COL9A1: variants seen among roughly 807,000 people sequenced by gnomAD.
COL9A1 encodes the protein collagen type IX alpha 1 chain.
COL9A1 carries 104 observed loss-of-function variants against 142.6 expected under a neutral mutation model. That is an observed-to-expected ratio of 0.73 (90% CI 0.62 to 0.86). COL9A1 has a LOEUF of 0.86. Among genes scored for constraint, COL9A1 ranks in the 40% least tolerant of loss-of-function variants. The probability of loss-of-function intolerance (pLI) is 0.00; values close to 1 mark genes in which losing one functional copy is unlikely to be tolerated. For synonymous variants in COL9A1, 466 were observed against 396.0 expected (o/e 1.18, Z -2.10); for missense variants, 1,210 against 1,176.6 (o/e 1.03, Z -0.42).
chr6:70,281,688 C>T (rs557558347), intron 7 of COL9A1, among the ~76,000 whole-genome samples: 1 of 152,264 alleles, frequency 6.6e-6, no homozygotes, highest in South Asian at 2.1e-4. Context: ...AGGATTGACG[C>T]CCCCAAGGTT....
intron 6 of COL9A1, 101 bp from the exon 7 acceptor site, chr6:70,283,019 C>T (rs1323016031): frequency 1.2e-6 from 2 of 1,611,584 alleles, no homozygotes; most frequent in Non-Finnish European, 1.7e-6. Flanking sequence ...AGCAGCAGCC[C>T]CAGGGCCCCG....
intron 33 of COL9A1, among the ~76,000 whole-genome samples, chr6:70,236,345 C>T (rs1017954597): frequency 1.7e-4 from 26 of 152,020 alleles, no homozygotes; most frequent in Admixed American, 1.3e-3. Context: ...AATTAATTCA[C>T]TTTTTGTTAA....
At chr6:70,284,484 T>G (rs1773363770) in intron 5 of COL9A1, among the ~76,000 whole-genome samples, 1 of 152,176 alleles carries the variant, frequency 6.6e-6, no homozygotes, top group Non-Finnish European at 1.5e-5. Context: ...ATCTTATTCA[T>G]TGGTTGAAAA....
At chr6:70,296,070 T>C (rs1160622399) in intron 4 of COL9A1, among the ~76,000 whole-genome samples, 1 of 152,210 alleles carries the variant, frequency 6.6e-6, no homozygotes, top group African/African-American at 2.4e-5. Flanking sequence ...TTATAAAACT[T>C]TATTATGTCT....
At chr6:70,283,969 T>G (rs1773336224) in intron 5 of COL9A1, 149 bp from the exon 6 acceptor site, 1 of 714,968 alleles carries the variant, frequency 1.4e-6, no homozygotes, top group African/African-American at 1.8e-5. Flanking sequence ...TTGCTTTTCC[T>G]TGAATACAAG....
chr6:70,301,728 C>T (rs1055193267), intron 2 of COL9A1, among the ~76,000 whole-genome samples: 3 of 152,234 alleles, frequency 2.0e-5, no homozygotes, highest in African/African-American at 7.2e-5. Context: ...CCAACATTTA[C>T]CAATCACCAT....
chr6:70,292,414 C>A (rs151031629), intron 5 of COL9A1, among the ~76,000 whole-genome samples: 54 of 152,270 alleles, frequency 3.5e-4, no homozygotes, highest in African/African-American at 1.3e-3. Context: ...GTAAAACCAG[C>A]TGCCAGGTTT....
At chr6:70,276,243 A>C (rs1322712177) in intron 10 of COL9A1, among the ~76,000 whole-genome samples, 1 of 152,102 alleles carries the variant, frequency 6.6e-6, no homozygotes, top group Non-Finnish European at 1.5e-5. Flanking sequence ...TTGGCATTTC[A>C]CAAACAAACT....
Position 70,240,728 on chromosome 6 carries a change from G to A in COL9A1, c.2040C>T (p.Ala680=). 1.2e-6 allele frequency: 2 copies of A among 1,612,156 alleles called. No homozygotes were observed. The highest frequency in any genetic ancestry group is 1.7e-6 in the Non-Finnish European group (2 of 1,178,960). Residue 680 remains alanine (A), a synonymous_variant, in exon 32 of 38, where the codon GCC becomes GCT. Transcript: ENST00000357250. ...GEPGPKGEQG[A]SGEEGEAGER... ...CTCCTGCTTCACCTTCTTCACCAGA[G>A]GCACCCTAAAAATTAAGATAAAAGG...
At chr6:70,280,683 C>G (rs890114581) in intron 10 of COL9A1, 129 bp downstream of exon 10, 5 of 1,368,264 alleles carry the variant, frequency 3.7e-6, no homozygotes, top group Non-Finnish European at 5.0e-6. Flanking sequence ...TGGCAGGAGG[C>G]CAAGTTTAGA....
chr6:70,299,221 T>G (rs1773962147), intron 4 of COL9A1, among the ~76,000 whole-genome samples: 1 of 152,126 alleles, frequency 6.6e-6, no homozygotes, highest in East Asian at 1.9e-4. Flanking sequence ...TTTTTATTTT[T>G]ATATACATTG....
intron 10 of COL9A1, among the ~76,000 whole-genome samples, chr6:70,276,081 A>G (rs992010469): frequency 4.6e-5 from 7 of 152,194 alleles, no homozygotes; most frequent in Non-Finnish European, 8.8e-5. Flanking sequence ...CTGGAAATTT[A>G]CCAAAGAAGA....
intron 10 of COL9A1, chr6:70,275,142 A>G (rs1772676167): frequency 4.0e-6 from 1 of 252,852 alleles, no homozygotes; most frequent in Non-Finnish European, 7.6e-6. Flanking sequence ...ACTCAGGTTT[A>G]TTTACCTCCT....
intron 2 of COL9A1, 132 bp from the exon 3 acceptor site, chr6:70,300,518 A>T: frequency 2.7e-6 from 1 of 369,454 alleles, no homozygotes; most frequent in Non-Finnish European, 4.7e-6. Flanking sequence ...CACAAAAAAA[A>T]GATTTCAGGA....
chr6:70,232,996 G>A (rs1769653730), intron 35 of COL9A1, among the ~76,000 whole-genome samples: 1 of 152,112 alleles, frequency 6.6e-6, no homozygotes, highest in South Asian at 2.1e-4. Flanking sequence ...TGGTCCTGTT[G>A]TTCTGAGACA....
chr6:70,249,088 C>T (rs1770774448), intron 28 of COL9A1, among the ~76,000 whole-genome samples: 1 of 151,668 alleles, frequency 6.6e-6, no homozygotes, highest in South Asian at 2.1e-4. Context: ...AACACAAGAT[C>T]TGAGTAAAGC....
rs1770099883 is a variant in COL9A1 at position 70,239,250 on chromosome 6, T to C, written c.2112+4A>G. ...TTTATACCATTACTATTCACCATAC[T>C]TACAGATCCCTTTGGGCCAGGTAAT... On this transcript the variant is annotated splice_donor_region_variant and intron_variant, in intron 33 of 37. Transcript: ENST00000357250. 8 of 1,546,134 alleles carry C rather than the reference T, an allele frequency of 5.2e-6. No individual in the cohort carries two copies. The highest frequency in any genetic ancestry group is 4.5e-6 in the Non-Finnish European group (5 of 1,118,722).
rs72923127 is a variant in COL9A1, at chr6:70,235,122, C to T, written c.2113-182G>A. Among the ~76,000 whole-genome samples, 5,234 of 152,288 alleles carry T rather than the reference C, an allele frequency of 0.034. 152 individuals are homozygous for T. The highest frequency in any genetic ancestry group is 0.11 in the East Asian group (566 of 5,184). ...AGACACATAATGCTACACAACTTAC[C>T]CATCTTTTAGAAATCTAGTTCAAGT... On this transcript the variant is annotated intron_variant, in intron 33 of 37. Coordinates refer to ENST00000357250, the MANE Select transcript of COL9A1 (RefSeq NM_001851.6).
intron 36 of COL9A1, 87 bp downstream of exon 36, chr6:70,232,496 G>T: frequency 6.9e-7 from 1 of 1,442,550 alleles, no homozygotes; most frequent in Non-Finnish European, 9.7e-7. Flanking sequence ...TCAGAAATTG[G>T]TAAAACATAA....
Sources: gnomAD v4.1 joint callset for allele counts (sites outside exome capture counted in the v4.1 genomes callset) on GRCh38, gnomAD v4.1.1 for gene constraint, MANE v1.5 for transcripts, NCBI Gene and HGNC (gene_info 2026-07-23, HGNC 2026-07-21) for gene names.